ERCC6L2: variants seen among roughly 807,000 people sequenced by gnomAD.
ERCC6L2 encodes ERCC excision repair 6 like 2.
A neutral mutation model predicts 132.0 loss-of-function variants in ERCC6L2; 77 were observed. The observed-to-expected ratio is 0.58, with a 90% CI of 0.49 to 0.71. The LOEUF is 0.71. Ranked by LOEUF, ERCC6L2 falls within the 30% of genes least tolerant of loss-of-function variation. The probability of loss-of-function intolerance (pLI) is 0.00; values close to 1 mark genes in which losing one functional copy is unlikely to be tolerated. For synonymous variants in ERCC6L2, 583 were observed against 632.4 expected (o/e 0.92, Z 1.17); for missense variants, 1,542 against 1,837.6 (o/e 0.84, Z 2.94).
downstream of ERCC6L2, chr9:96,020,761 G>A (rs1275819748): frequency 4.4e-6 from 2 of 456,774 alleles, no homozygotes; most frequent in East Asian, 6.9e-5. Context: ...TCCAAACTGT[G>A]GGGATGGGGA....
chr9:95,991,374 T>C (rs980739366), intron 17 of ERCC6L2, among the ~76,000 whole-genome samples: 18 of 152,306 alleles, frequency 1.2e-4, no homozygotes, highest in African/African-American at 3.6e-4. Context: ...CTCAACCCTT[T>C]ACTGCCCATC....
chr9:96,015,310 C>T lies in ERCC6L2; in HGVS notation c.*2107C>T, dbSNP rs1049238083. ...AAGCAATTCTCCTGCCTCAGCCTCCCGAGTAGCTGGGACTACAGGTGCGTG... is the reference window on the plus strand; with the variant it reads ...AAGCAATTCTCCTGCCTCAGCCTCCTGAGTAGCTGGGACTACAGGTGCGTG... On this transcript the variant is annotated 3_prime_UTR_variant, in exon 19 of 19. Coordinates refer to ENST00000653738, the MANE Select transcript of ERCC6L2 (RefSeq NM_020207.7). Among the ~76,000 whole-genome samples, 4 of 151,408 alleles carry T rather than the reference C, an allele frequency of 2.6e-5. No individual in the cohort carries two copies. The highest frequency in any genetic ancestry group is 4.4e-5 in the Non-Finnish European group (3 of 67,846).
intron 17 of ERCC6L2, among the ~76,000 whole-genome samples, chr9:96,002,060 A>T (rs992678029): frequency 3.9e-5 from 6 of 152,236 alleles, no homozygotes; most frequent in African/African-American, 1.4e-4. Flanking sequence ...CAGCTGGCCC[A>T]CAAGCGCCAC....
At chr9:96,026,150 G>A (rs1301815965) in intron 19 of ERCC6L2, among the ~76,000 whole-genome samples, 3 of 152,212 alleles carry the variant, frequency 2.0e-5, no homozygotes, top group Admixed American at 6.5e-5. Context: ...CAGCCGGCCC[G>A]GGCGGGATGT....
At chr9:95,889,001 G>A (rs942418335) in intron 2 of ERCC6L2, among the ~76,000 whole-genome samples, 7 of 151,954 alleles carry the variant, frequency 4.6e-5, no homozygotes, top group African/African-American at 1.4e-4. Context: ...TAAGTTTTTC[G>A]GGGGTGGGTG....
chr9:96,020,452 G>A, downstream of ERCC6L2: 1 of 312,968 alleles, frequency 3.2e-6, no homozygotes, highest in Non-Finnish European at 6.2e-6. Flanking sequence ...TTAATTCACT[G>A]ACATGCCAGC....
chr9:95,972,987 A>G lies in ERCC6L2; in HGVS notation c.3236A>G (p.Asn1079Ser), dbSNP rs776307162. Residue 1079 changes from asparagine (N) to serine (S), a missense_variant, in exon 16 of 19, where the codon AAT becomes AGT. By Grantham distance (46) the Asn-to-Ser change is conservative (BLOSUM62 1). This residue lies in a region of ERCC6L2 where 442 missense variants were observed against 583.4 expected (regional missense o/e 0.76). Coordinates refer to ENST00000653738, the MANE Select transcript of ERCC6L2 (RefSeq NM_020207.7). ...TTTTCTTCAAAATTGCCTAGCCATA[A>G]TAAGAAAAATAGCACTTTTATTCCA... ...TSFSSKLPSH[N>S]KKNSTFIPRK... 4.4e-6 allele frequency: 6 copies of G among 1,349,020 alleles called. No homozygotes were observed. The highest frequency in any genetic ancestry group is 9.3e-5 in the East Asian group (2 of 21,458). The allele number at this position is 1,349,020 out of a possible 1,614,324, so 83.6% of individuals were successfully genotyped here. A position where few individuals can be genotyped will look rare whatever the true frequency, so the allele number is the denominator to read the frequency against.
At chr9:95,889,800 T>C (rs999897143) in intron 2 of ERCC6L2, among the ~76,000 whole-genome samples, 2 of 152,228 alleles carry the variant, frequency 1.3e-5, no homozygotes, top group Non-Finnish European at 2.9e-5. Flanking sequence ...TTAGGTGATG[T>C]ATTTTTAAAT....
chr9:95,886,716 A>G (rs929334516), intron 2 of ERCC6L2, among the ~76,000 whole-genome samples: 1 of 152,206 alleles, frequency 6.6e-6, no homozygotes, highest in African/African-American at 2.4e-5. Context: ...GTGAGTGTCA[A>G]CTTGATTGGA....
At chr9:96,011,522 T>C (rs1211184537) in intron 18 of ERCC6L2, among the ~76,000 whole-genome samples, 1 of 152,216 alleles carries the variant, frequency 6.6e-6, no homozygotes, top group Admixed American at 6.5e-5. Flanking sequence ...CCCTAAATCT[T>C]TCTGCCTCTA....
At chr9:96,033,251 G>GT (rs10638463) in intron 19 of ERCC6L2, among the ~76,000 whole-genome samples, 62,447 of 147,624 alleles carry the variant, frequency 0.42, 13,843 homozygotes, top group Middle Eastern at 0.55. Flanking sequence ...ATTCTGGGTT[G>GT]TTTTTTTTTT....
chr9:95,991,304 A>G (rs1313001843), intron 17 of ERCC6L2, among the ~76,000 whole-genome samples: 1 of 152,150 alleles, frequency 6.6e-6, no homozygotes, highest in African/African-American at 2.4e-5. Flanking sequence ...TTGCAGGAAA[A>G]AGAAACTGCT....
At chr9:95,980,740 A>G (rs1832857148) in intron 17 of ERCC6L2, among the ~76,000 whole-genome samples, 1 of 152,168 alleles carries the variant, frequency 6.6e-6, no homozygotes, top group Non-Finnish European at 1.5e-5. Context: ...AAAAAATTAA[A>G]AAGTTACGAG....
chr9:95,955,776 G>T (rs1831569048), intron 12 of ERCC6L2, 138 bp from the exon 13 acceptor site: 2 of 455,922 alleles, frequency 4.4e-6, no homozygotes, highest in Non-Finnish European at 7.6e-6. Flanking sequence ...TTACTAAATA[G>T]AGCATATTTA....
Position 96,037,706 on chromosome 9 carries a change from G to C in ERCC6L2, c.*1504-1170G>C, listed in dbSNP as rs550874940. On this transcript the variant is annotated intron_variant and NMD_transcript_variant, in intron 19 of 20. Transcript: ENST00000670016. ...AACGAGGACTGCGCCAGGACAGCAG[G>C]TGAGGAATGCTGGGGCAAGGATGAA... Among the ~76,000 whole-genome samples, 27 of 152,284 alleles carry C rather than the reference G, an allele frequency of 1.8e-4. 1 individual carries two copies. The highest frequency in any genetic ancestry group is 6.5e-4 in the African/African-American group (27 of 41,536).
chr9:95,987,333 G>A (rs1833133499), intron 17 of ERCC6L2, among the ~76,000 whole-genome samples: 1 of 152,186 alleles, frequency 6.6e-6, no homozygotes, highest in African/African-American at 2.4e-5. Flanking sequence ...AGTCCTTTCT[G>A]CCTATGAGCC....
At chr9:96,030,722 C>G (rs989918065) in intron 19 of ERCC6L2, among the ~76,000 whole-genome samples, 3 of 135,930 alleles carry the variant, frequency 2.2e-5, no homozygotes, top group African/African-American at 8.3e-5. Flanking sequence ...AAAAAAAAAG[C>G]TGTAACACTC....
chr9:95,914,298 G>A (rs1829475601), intron 4 of ERCC6L2, among the ~76,000 whole-genome samples: 1 of 152,098 alleles, frequency 6.6e-6, no homozygotes, highest in Non-Finnish European at 1.5e-5. Context: ...GACATTTGGT[G>A]TCTATTAGAA....
At chr9:95,884,489 CT>C (rs3991619) in intron 2 of ERCC6L2, among the ~76,000 whole-genome samples, 111 of 145,230 alleles carry the variant, frequency 7.6e-4, no homozygotes, top group Middle Eastern at 3.5e-3. Flanking sequence ...TTCTTTTCTT[CT>C]TTTTTTTTTT....
Sources: allele counts gnomAD v4.1 joint callset (sites outside exome capture counted in the v4.1 genomes callset), GRCh38; gene constraint gnomAD v4.1.1; regional missense constraint gnomAD v4.1.1; transcripts MANE v1.5; gene names NCBI Gene and HGNC (gene_info 2026-07-23, HGNC 2026-07-21).